Variants in CADPS2 observed in about 807,000 individuals in gnomAD.
CADPS2 encodes calcium dependent secretion activator 2, also known as calcium-dependent secretion activator 2.
CADPS2 carries 93 observed loss-of-function variants against 172.5 expected under a neutral mutation model. The observed-to-expected ratio is 0.54, with a 90% CI of 0.46 to 0.64. CADPS2 has a LOEUF of 0.64. CADPS2 is among the 30% of genes least tolerant of loss of function. The probability of loss-of-function intolerance (pLI) is 0.00; values close to 1 mark genes in which losing one functional copy is unlikely to be tolerated. For missense variants in CADPS2, 1,420 were observed against 1,565.9 expected, an observed-to-expected ratio of 0.91 and a Z score of 1.57; for synonymous variants, 546 against 555.2, an observed-to-expected ratio of 0.98 and a Z score of 0.23.
At chr7:122,327,340 TC>T (rs2034075905) in intron 28 of CADPS2, among the ~76,000 whole-genome samples, 1 of 152,138 alleles carries the variant, frequency 6.6e-6, no homozygotes, top group Admixed American at 6.6e-5. Context: ...TTGAGGCCCT[TC>T]TACCACACCA....
chr7:122,698,638 C>T (rs759225467), intron 2 of CADPS2: 23 of 1,613,964 alleles, frequency 1.4e-5, no homozygotes, highest in South Asian at 2.2e-5. Flanking sequence ...GTACTTTGAT[C>T]GGCTGAAAAT....
intron 2 of CADPS2, chr7:122,681,455 C>T (rs1161654065): frequency 5.9e-6 from 9 of 1,530,240 alleles, no homozygotes; most frequent in Admixed American, 1.7e-5. Context: ...TAGTGGAGGC[C>T]GTAGCAGTCA....
chr7:122,635,370 C>T (rs1251708344), intron 3 of CADPS2, among the ~76,000 whole-genome samples: 3 of 151,720 alleles, frequency 2.0e-5, no homozygotes, highest in East Asian at 3.9e-4. Context: ...TGCTGGTGTG[C>T]TGCACCCATT....
intron 17 of CADPS2, among the ~76,000 whole-genome samples, chr7:122,419,589 AT>A (rs1250642739): frequency 6.6e-6 from 1 of 152,112 alleles, no homozygotes; most frequent in Non-Finnish European, 1.5e-5. Flanking sequence ...GAAAGACCGT[AT>A]CTTTCATCAG....
intron 2 of CADPS2, chr7:122,698,374 T>C (rs2085470480): frequency 1.2e-6 from 2 of 1,613,786 alleles, no homozygotes; most frequent in Middle Eastern, 1.6e-4. Flanking sequence ...GATGATGTGC[T>C]TTCTCCCCAC....
intron 1 of CADPS2, among the ~76,000 whole-genome samples, chr7:122,763,351 G>A (rs181937908): frequency 1.3e-5 from 2 of 152,252 alleles, no homozygotes; most frequent in East Asian, 3.9e-4. Context: ...TGATGAGAGT[G>A]CTGAATCCTA....
chr7:122,401,729 G>A (rs950050029), intron 20 of CADPS2, among the ~76,000 whole-genome samples: 4 of 152,210 alleles, frequency 2.6e-5, no homozygotes, highest in Non-Finnish European at 5.9e-5. Context: ...TAGGGGAGTA[G>A]ATTGGGGTAG....
chr7:122,866,414 T>TG (rs1385647766), intron 1 of CADPS2, among the ~76,000 whole-genome samples: 1 of 152,100 alleles, frequency 6.6e-6, no homozygotes, highest in African/African-American at 2.4e-5. Context: ...ACAAAGTCTC[T>TG]GGTGGCCGGG....
intron 2 of CADPS2, among the ~76,000 whole-genome samples, chr7:122,710,414 T>C: frequency 6.6e-6 from 1 of 152,064 alleles, no homozygotes; most frequent in East Asian, 1.9e-4. Flanking sequence ...CCAGGCCGTG[T>C]GACAGATGTG....
intron 1 of CADPS2, among the ~76,000 whole-genome samples, chr7:122,842,836 C>A (rs901480484): frequency 6.6e-6 from 1 of 152,112 alleles, no homozygotes; most frequent in Admixed American, 6.5e-5. Flanking sequence ...CCCTTGCCTA[C>A]ACTATCCACT....
At chr7:122,538,568 A>G (rs890152775) in intron 8 of CADPS2, among the ~76,000 whole-genome samples, 1 of 152,044 alleles carries the variant, frequency 6.6e-6, no homozygotes, top group African/African-American at 2.4e-5. Flanking sequence ...CTCCACCAAT[A>G]TAAATTACTA....
chr7:122,334,621 G>C (rs2035559377), intron 28 of CADPS2, among the ~76,000 whole-genome samples: 1 of 152,146 alleles, frequency 6.6e-6, no homozygotes, highest in African/African-American at 2.4e-5. Context: ...TTTGATGCAG[G>C]TGCTAGAACT....
intron 2 of CADPS2, among the ~76,000 whole-genome samples, chr7:122,712,530 T>C (rs2088912494): frequency 6.6e-6 from 1 of 152,184 alleles, no homozygotes; most frequent in Non-Finnish European, 1.5e-5. Context: ...CTAATGACTC[T>C]TTTGTGTACC....
At chr7:122,441,707 T>TC (rs1297884027) in intron 15 of CADPS2, 132 bp from the exon 16 acceptor site, 1 of 496,466 alleles carries the variant, frequency 2.0e-6, no homozygotes, top group Non-Finnish European at 3.5e-6. Context: ...CATGAACTCA[T>TC]CCAGGGAAAT....
chr7:122,502,195 CCAT>C (rs2059261481), intron 9 of CADPS2, among the ~76,000 whole-genome samples: 1 of 152,030 alleles, frequency 6.6e-6, no homozygotes, highest in Non-Finnish European at 1.5e-5. Context: ...CAATAAATCA[CCAT>C]CATTTGTTTT....
At chr7:122,455,067 T>C (rs1391711342) in intron 14 of CADPS2, among the ~76,000 whole-genome samples, 2 of 152,052 alleles carry the variant, frequency 1.3e-5, no homozygotes, top group Admixed American at 6.6e-5. Flanking sequence ...GCCTTTATAA[T>C]GATGTATGAG....
At chr7:122,667,121 A>C (rs1302442052) in intron 2 of CADPS2, among the ~76,000 whole-genome samples, 1 of 152,240 alleles carries the variant, frequency 6.6e-6, no homozygotes, top group Non-Finnish European at 1.5e-5. Context: ...CTGTCTTCAC[A>C]GTGCACTCTA....
chr7:122,879,693 T>A (rs1319107829), intron 1 of CADPS2, among the ~76,000 whole-genome samples: 2 of 152,162 alleles, frequency 1.3e-5, no homozygotes, highest in East Asian at 3.9e-4. Context: ...TTTCAGGCCC[T>A]TTGCCCCAGT....
chr7:122,337,249 C>T (rs1287637035), intron 28 of CADPS2, among the ~76,000 whole-genome samples: 1 of 152,212 alleles, frequency 6.6e-6, no homozygotes. Flanking sequence ...ACTAACTGCA[C>T]TGCCAGATGA....
Sources: allele counts gnomAD v4.1 joint callset (sites outside exome capture counted in the v4.1 genomes callset), GRCh38; gene constraint gnomAD v4.1.1; transcripts MANE v1.5; gene names NCBI Gene and HGNC (gene_info 2026-07-23, HGNC 2026-07-21).